Variants in TMEM260 observed in about 807,000 individuals in gnomAD.
The protein encoded by TMEM260 is protein O-mannosyl-transferase TMEM260.
Under a neutral mutation model 88.9 loss-of-function variants are expected in TMEM260, and 82 were observed. That is an observed-to-expected ratio of 0.92 (90% confidence interval 0.77 to 1.11). The LOEUF is 1.11. Ranked by LOEUF, TMEM260 falls within the 50% of genes least tolerant of loss-of-function variation. The pLI, the probability that TMEM260 is intolerant of heterozygous loss-of-function variation, is 0.00. For synonymous variants in TMEM260, 314 were observed against 309.3 expected (o/e 1.02, Z -0.16); for missense variants, 902 against 853.4 (o/e 1.06, Z -0.71).
At chr14:56,660,910 ACCAAACACAGTCT>A in the TMEM260 span, among the ~76,000 whole-genome samples, 1 of 152,198 alleles carries the variant, frequency 6.6e-6, no homozygotes, top group African/African-American at 2.4e-5. Flanking sequence ...TAGTTTAAAA[ACCAAACACAGTCT>A]CCTGCCTCAA....
At position 56,632,976 on chromosome 14, in the gene TMEM260, A is replaced by G. The variant is rs1436885318; in HGVS notation, c.1548-19A>G. The stretch of plus-strand genomic sequence containing the variant: ...ACTTTAAATTTTAAGTACATCATGT[A>G]TTTTTCTGTTTCCAACAGAAAAGAA... On this transcript the variant is annotated intron_variant, in intron 12 of 15. Coordinates refer to ENST00000261556, the MANE Select transcript of TMEM260 (RefSeq NM_017799.4). 4.4e-6 allele frequency: 7 copies of G among 1,603,998 alleles called. No individual in the cohort carries two copies. Among genetic ancestry groups the G allele is most frequent in the Admixed American group, 1.7e-5 (1 of 59,436 alleles).
At chr14:56,612,117 A>G (rs1310332661) in intron 6 of TMEM260, 128 bp from the exon 7 acceptor site, 4 of 831,146 alleles carry the variant, frequency 4.8e-6, no homozygotes, top group Middle Eastern at 5.3e-4. Context: ...CTGTAGAGGT[A>G]CCCCGAAACC....
rs377443495 is a variant in TMEM260, at chr14:56,627,653, AT to A, written c.1547+2128del. Among the ~76,000 whole-genome samples the A allele has an allele frequency of 3.4e-3, 508 of 151,048 alleles. 3 individuals are homozygous for A. Among genetic ancestry groups the A allele is most frequent in the African/African-American group, 0.012 (472 of 40,522 alleles). On this transcript the variant is annotated intron_variant, in intron 12 of 15. Coordinates refer to ENST00000261556, the MANE Select transcript of TMEM260 (RefSeq NM_017799.4). ...TTATTTAAAGGCATGTGATAGAGAT[AT>A]TTTTCCCCCCCAAAGGGATGGACCA...
intron 15 of TMEM260, among the ~76,000 whole-genome samples, chr14:56,644,324 G>A (rs1889808676): frequency 6.6e-6 from 1 of 152,128 alleles, no homozygotes; most frequent in African/African-American, 2.4e-5. Context: ...CAATGGAACA[G>A]AACAGAGGTC....
intron 15 of TMEM260, among the ~76,000 whole-genome samples, chr14:56,644,035 T>C (rs1264085171): frequency 6.6e-6 from 1 of 152,168 alleles, no homozygotes; most frequent in Non-Finnish European, 1.5e-5. Flanking sequence ...GAACATTCCA[T>C]GCTCATGGGT....
rs1288982753 is a variant in TMEM260 at position 56,648,088 on chromosome 14, A to AG, written c.*591_*592insG. ...ATCGTTCTTGGAAATCACTAAAAAAAAAAAAAGTTAATTTGATGTTTGCTT... is the reference window on the plus strand; with the variant it reads ...ATCGTTCTTGGAAATCACTAAAAAAAGAAAAAAGTTAATTTGATGTTTGCTT... On this transcript the variant is annotated 3_prime_UTR_variant, in exon 16 of 16. Coordinates refer to ENST00000261556, the MANE Select transcript of TMEM260 (RefSeq NM_017799.4). 2 of 152,204 alleles carry AG rather than the reference A, an allele frequency of 1.3e-5. No individual in the cohort carries two copies. The highest frequency in any genetic ancestry group is 1.9e-4 in the East Asian group (1 of 5,200). 9.4% of individuals were successfully genotyped at this position (152,204 alleles called of 1,614,324 possible).
At chr14:56,592,676 T>C (rs535611640) in intron 3 of TMEM260, among the ~76,000 whole-genome samples, 1 of 152,354 alleles carries the variant, frequency 6.6e-6, no homozygotes, top group South Asian at 2.1e-4. Context: ...CTGTTTATTT[T>C]ATCCTCCTTT....
At chr14:56,629,231 A>AT (rs1888424641) in intron 12 of TMEM260, among the ~76,000 whole-genome samples, 1 of 139,868 alleles carries the variant, frequency 7.1e-6, no homozygotes, top group African/African-American at 2.7e-5. Flanking sequence ...GTTTATTGAG[A>AT]TTTTTTACTA....
At chr14:56,602,585 T>C (rs2139548594) in intron 3 of TMEM260, among the ~76,000 whole-genome samples, 1 of 152,272 alleles carries the variant, frequency 6.6e-6, no homozygotes, top group South Asian at 2.1e-4. Context: ...ATTAGGGAAC[T>C]CTTAAAATAA....
At chr14:56,624,318 A>C (rs1471899872) in intron 11 of TMEM260, among the ~76,000 whole-genome samples, 1 of 152,204 alleles carries the variant, frequency 6.6e-6, no homozygotes, top group East Asian at 1.9e-4. Flanking sequence ...TCACGTCTGT[A>C]ATCCCAGAAC....
At chr14:56,613,347 A>G (rs914605604) in intron 7 of TMEM260, 5 of 152,306 alleles carry the variant, frequency 3.3e-5, no homozygotes, top group Non-Finnish European at 4.4e-5. Flanking sequence ...TCTTCCAGCC[A>G]TCCTTCCTTG....
rs148559246 is a variant in TMEM260, at chr14:56,602,227, T to C, written c.345-1588T>C. ...ACAGAATGGGCTAAAAACCTAGGAA[T>C]TGAAGAAACATTTGAGAAAGAAGTA... On this transcript the variant is annotated intron_variant, in intron 3 of 15. Coordinates refer to ENST00000261556, the MANE Select transcript of TMEM260 (RefSeq NM_017799.4). Among the ~76,000 whole-genome samples, 73 of 152,188 alleles carry C rather than the reference T, an allele frequency of 4.8e-4. 1 individual carries two copies. Among genetic ancestry groups the C allele is most frequent in the East Asian group, 1.2e-3 (6 of 5,182 alleles).
chr14:56,650,248 G>A, downstream of TMEM260: 1 of 343,268 alleles, frequency 2.9e-6, no homozygotes, highest in Non-Finnish European at 5.7e-6. Context: ...CTTCTGCCTG[G>A]ACTTCGGCCT....
chr14:56,626,296 A>G (rs929802488), intron 12 of TMEM260, among the ~76,000 whole-genome samples: 20 of 152,192 alleles, frequency 1.3e-4, no homozygotes, highest in Admixed American at 2.6e-4. Context: ...AACGACAGTA[A>G]TGGTTATAAA....
the TMEM260 span, among the ~76,000 whole-genome samples, chr14:56,659,500 A>G: frequency 6.6e-6 from 1 of 152,164 alleles, no homozygotes; most frequent in Non-Finnish European, 1.5e-5. Flanking sequence ...GCCTCTTCCT[A>G]GTAGCTGTCT....
In TMEM260 at chr14:56,581,024, A is replaced by G. The variant is rs114795912; in HGVS notation, c.160+950A>G. Among the ~76,000 whole-genome samples, 888 of 152,284 alleles carry G rather than the reference A, an allele frequency of 5.8e-3. 12 individuals carry two copies. The highest frequency in any genetic ancestry group is 0.021 in the African/African-American group (865 of 41,554). ...TCGTACTCAGAAAAAGGTTGCTGTC[A>G]TGGTGTGCGATGGGGCTGCGGTCTT... On this transcript the variant is annotated intron_variant, in intron 1 of 15. Coordinates refer to ENST00000261556, the MANE Select transcript of TMEM260 (RefSeq NM_017799.4).
At position 56,603,878 on chromosome 14, in the gene TMEM260, AT is replaced by A. The variant is rs1886727809; in HGVS notation, c.409del (p.Trp137GlyfsTer12). 4 of 1,613,848 alleles carry A rather than the reference AT, an allele frequency of 2.5e-6. No homozygotes were observed. Among genetic ancestry groups the A allele is most frequent in the Non-Finnish European group, 3.4e-6 (4 of 1,179,912 alleles). ...GGGTGTTTTCATTTTCTCGTCTAAC[AT>A]GGCAGTGGTCCATTGCAGCAGAGGT... ...AGVFSFSRLT[W>X]QWSIAAEVFS... On this transcript the variant is annotated frameshift_variant, in exon 4 of 16. Coordinates refer to ENST00000261556, the MANE Select transcript of TMEM260 (RefSeq NM_017799.4). LOFTEE classifies it high-confidence loss of function.
rs71448489 is a variant in TMEM260, at chr14:56,622,342, C to CAAA, written c.1398+661_1398+663dup. Among the ~76,000 whole-genome samples, 198 of 86,384 alleles carry CAAA rather than the reference C, an allele frequency of 2.3e-3. 3 individuals carry two copies. The highest frequency in any genetic ancestry group is 9.3e-3 in the East Asian group (27 of 2,902). 56.7% of individuals were successfully genotyped at this position (86,384 alleles called of 152,430 possible). A position where few individuals can be genotyped will look rare whatever the true frequency, so the allele number is the denominator to read the frequency against. The stretch of plus-strand genomic sequence containing the variant: ...TGGGCAACAGGGCGAGACTCCGTCT[C>CAAA]AAAAAAAAAAAAAAAAAAAAAAATT... On this transcript the variant is annotated intron_variant, in intron 11 of 15. Coordinates refer to ENST00000261556, the MANE Select transcript of TMEM260 (RefSeq NM_017799.4).
chr14:56,636,752 C>CAGTTGTATCACAGTATCCA (rs368480390), intron 15 of TMEM260, among the ~76,000 whole-genome samples, 154 bp downstream of exon 15: 1 of 152,292 alleles, frequency 6.6e-6, no homozygotes, highest in Non-Finnish European at 1.5e-5. Flanking sequence ...AACAAATCCT[C>CAGTTGTATCACAGTATCCA]AGTTGTATCA....
Sources: allele counts gnomAD v4.1 joint callset (sites outside exome capture counted in the v4.1 genomes callset), GRCh38; gene constraint gnomAD v4.1.1; transcripts MANE v1.5; gene names NCBI Gene and HGNC (gene_info 2026-07-23, HGNC 2026-07-21).